Variants in FAR2 observed in about 807,000 individuals in gnomAD.
FAR2 encodes the protein fatty acyl-CoA reductase 2.
In FAR2, 19 loss-of-function variants were observed where a neutral mutation model predicts 56.0. That is an observed-to-expected ratio of 0.34 (90% CI 0.24 to 0.50). The LOEUF (loss-of-function observed/expected upper bound fraction) is 0.50, where lower values mean the gene tolerates loss of function less well. Among genes scored for constraint, FAR2 ranks in the 20% least tolerant of loss-of-function variants. The probability of loss-of-function intolerance (pLI) is 0.98; values close to 1 mark genes in which losing one functional copy is unlikely to be tolerated. For synonymous variants in FAR2, 219 were observed against 218.8 expected (o/e 1.00, Z -0.01); for missense variants, 508 against 642.2 (o/e 0.79, Z 2.26).
At chr12:29,157,318 A>T (rs1366601880) in intron 1 of FAR2, among the ~76,000 whole-genome samples, 1 of 151,950 alleles carries the variant, frequency 6.6e-6, no homozygotes, top group Non-Finnish European at 1.5e-5. Context: ...TAACTGCTGC[A>T]GGTTTGCAAA....
intron 1 of FAR2, among the ~76,000 whole-genome samples, chr12:29,166,034 C>A (rs1377503357): frequency 1.3e-5 from 2 of 152,240 alleles, no homozygotes; most frequent in Non-Finnish European, 2.9e-5. Context: ...GCGGCCTTAG[C>A]CAAATCACTA....
rs189908079 is a variant in FAR2, at chr12:29,257,521, C to T, written c.-38-12891C>T. ...CCACGCTGTGGAAGCTTTGTTCTTTCGCTCTTTGCAATAAATCTTGCTACT... is the reference window on the plus strand; with the variant it reads ...CCACGCTGTGGAAGCTTTGTTCTTTTGCTCTTTGCAATAAATCTTGCTACT... On this transcript the variant is annotated intron_variant, in intron 1 of 11. Transcript: ENST00000536681. 9.7e-3 allele frequency among the ~76,000 whole-genome samples: 1,484 copies of T among 152,280 alleles called. 21 individuals carry two copies. Among genetic ancestry groups the T allele is most frequent in the African/African-American group, 0.034 (1,406 of 41,546 alleles).
chr12:29,228,944 CT>C (rs1366280197), intron 1 of FAR2, among the ~76,000 whole-genome samples: 2 of 152,086 alleles, frequency 1.3e-5, no homozygotes, highest in African/African-American at 4.8e-5. Context: ...TTTTGGGGGC[CT>C]TTTTGTTTTT....
At chr12:29,333,505 A>T in intron 11 of FAR2, 127 bp from the exon 12 acceptor site, 1 of 828,646 alleles carries the variant, frequency 1.2e-6, no homozygotes, top group Non-Finnish European at 1.9e-6. Context: ...TGGCCAAGTT[A>T]TATCAAATAC....
intron 1 of FAR2, among the ~76,000 whole-genome samples, chr12:29,168,820 G>T (rs1791863154): frequency 6.6e-6 from 1 of 152,206 alleles, no homozygotes; most frequent in Admixed American, 6.5e-5. Context: ...CAGCGTGGAA[G>T]GGGACCCAAG....
intron 1 of FAR2, among the ~76,000 whole-genome samples, chr12:29,238,373 C>T (rs1947973803): frequency 6.6e-6 from 1 of 151,996 alleles, no homozygotes; most frequent in Non-Finnish European, 1.5e-5. Context: ...TGCCAATTTT[C>T]TCTCTCTCTG....
chr12:29,261,162 G>C (rs1419300371), intron 1 of FAR2, among the ~76,000 whole-genome samples: 3 of 152,070 alleles, frequency 2.0e-5, no homozygotes, highest in Non-Finnish European at 1.5e-5. Flanking sequence ...ACTAAATAAG[G>C]CACCAGTGAC....
intron 1 of FAR2, among the ~76,000 whole-genome samples, chr12:29,211,504 A>G (rs957865437): frequency 5.9e-5 from 9 of 152,188 alleles, no homozygotes; most frequent in African/African-American, 2.2e-4. Context: ...AGAAAACTAT[A>G]TTCAGAAAAA....
chr12:29,333,505 A>G (rs1362493612), intron 11 of FAR2, 127 bp from the exon 12 acceptor site: 3 of 828,528 alleles, frequency 3.6e-6, no homozygotes, highest in African/African-American at 3.4e-5. Context: ...TGGCCAAGTT[A>G]TATCAAATAC....
chr12:29,221,786 CT>C (rs1947695375), intron 1 of FAR2, among the ~76,000 whole-genome samples: 1 of 152,000 alleles, frequency 6.6e-6, no homozygotes, highest in Non-Finnish European at 1.5e-5. Context: ...GACTTTAAAC[CT>C]TTTATTTTTA....
At chr12:29,162,127 A>G (rs1436058393) in intron 1 of FAR2, among the ~76,000 whole-genome samples, 2 of 152,186 alleles carry the variant, frequency 1.3e-5, no homozygotes, top group Non-Finnish European at 2.9e-5. Context: ...ATCTTAATAG[A>G]GTTCAATTTA....
At chr12:29,184,422 CTTTTTTTTT>C (rs71042961) in intron 1 of FAR2, among the ~76,000 whole-genome samples, 2 of 59,716 alleles carry the variant, frequency 3.3e-5, no homozygotes, top group East Asian at 6.2e-4. Context: ...AATCTAGCAT[CTTTTTTTTT>C]TTTTTTTTTT....
chr12:29,186,865 T>TGTAA (rs1487771562), intron 1 of FAR2, among the ~76,000 whole-genome samples: 2 of 152,086 alleles, frequency 1.3e-5, no homozygotes, highest in African/African-American at 4.8e-5. Flanking sequence ...CTCGGCTCAC[T>TGTAA]GTAAGCTCCG....
intron 1 of FAR2, among the ~76,000 whole-genome samples, chr12:29,269,172 C>T (rs1433868562): frequency 6.6e-6 from 1 of 152,068 alleles, no homozygotes; most frequent in Non-Finnish European, 1.5e-5. Flanking sequence ...CTATTTCACC[C>T]CTAGAGTCTT....
chr12:29,309,218 A>T lies in FAR2; in HGVS notation c.756A>T (p.Gly252=). ...GWVDNINGPN[G]IIIATGKGFL... ...TTGATAATATAAATGGACCTAATGG[A>T]ATCATTATTGCGGTATGTATAATGA... is the stretch of plus-strand genomic sequence containing the variant. The change falls in exon 6 of 12, where the codon GGA becomes GGT. Residue 252 remains glycine, a synonymous_variant. Transcript: ENST00000536681. The T allele has an allele frequency of 1.2e-6, 2 of 1,600,384 alleles. No homozygotes were observed. Among genetic ancestry groups the T allele is most frequent in the Non-Finnish European group, 1.7e-6 (2 of 1,169,372 alleles).
Position 29,334,133 on chromosome 12 carries a change from T to C in FAR2, c.*339T>C, listed in dbSNP as rs781273404. 1.8e-4 allele frequency: 32 copies of C among 173,254 alleles called. No homozygotes were observed. The highest frequency in any genetic ancestry group is 3.4e-4 in the Non-Finnish European group (28 of 82,010). The allele number at this position is 173,254 out of a possible 1,614,324, so 10.7% of individuals were successfully genotyped here. The stretch of plus-strand genomic sequence containing the variant: ...ATGATTCATTTAAACTCAGTAAATA[T>C]GGAAAGATGCATGGCAGAAGCTGAA... On this transcript the variant is annotated 3_prime_UTR_variant, in exon 12 of 12. Transcript: ENST00000536681.
intron 4 of FAR2, among the ~76,000 whole-genome samples, chr12:29,298,582 G>T (rs567591339): frequency 2.6e-5 from 4 of 152,140 alleles, no homozygotes; most frequent in Non-Finnish European, 5.9e-5. Flanking sequence ...ATAAATGGAG[G>T]TTTGCTAAAT....
rs146680891 is a variant in FAR2 at position 29,240,065 on chromosome 12, C to A, written c.-38-30347C>A. ...CATCTTCCATCGTTCCAAGAGCTTCCAAAATCTCTTTCTCTATCAAAAAGA... is the reference window on the plus strand; with the variant it reads ...CATCTTCCATCGTTCCAAGAGCTTCAAAAATCTCTTTCTCTATCAAAAAGA... On this transcript the variant is annotated intron_variant, in intron 1 of 11. Coordinates refer to ENST00000536681, the MANE Select transcript of FAR2 (RefSeq NM_001271783.2). Among the ~76,000 whole-genome samples the A allele has an allele frequency of 3.3e-5, 5 of 152,284 alleles. No homozygotes were observed. The East Asian group carries it at 9.6e-4, about 29-fold the overall frequency.
chr12:29,251,818 A>G (rs1286512574), intron 1 of FAR2, among the ~76,000 whole-genome samples: 1 of 152,182 alleles, frequency 6.6e-6, no homozygotes, highest in Non-Finnish European at 1.5e-5. Flanking sequence ...CATGCTCTGA[A>G]TCAGTGTCTA....
Sources: gnomAD v4.1 joint callset for allele counts (sites outside exome capture counted in the v4.1 genomes callset) on GRCh38, gnomAD v4.1.1 for gene constraint, MANE v1.5 for transcripts, NCBI Gene and HGNC (gene_info 2026-07-23, HGNC 2026-07-21) for gene names.